Variants in SERPINB5 observed in about 807,000 individuals in gnomAD.
SERPINB5 encodes the protein serpin family B member 5.
A neutral mutation model predicts 32.2 loss-of-function variants in SERPINB5; 27 were observed. The observed-to-expected ratio is 0.84, with a 90% CI of 0.62 to 1.16. The LOEUF (loss-of-function observed/expected upper bound fraction) is 1.16. Ranked by LOEUF, SERPINB5 falls within the 50% of genes most tolerant of loss-of-function variation. SERPINB5 has a pLI of 0.00. For missense variants in SERPINB5, 388 were observed against 436.3 expected, an observed-to-expected ratio of 0.89 and a Z score of 0.99; for synonymous variants, 154 against 157.4, an observed-to-expected ratio of 0.98 and a Z score of 0.16.
At position 63,498,797 on chromosome 18, in the gene SERPINB5, G is replaced by A. The variant is rs571021545; in HGVS notation, c.568-323G>A. ...TATTTATGTGTTTGCCTATATATGT[G>A]TATATATGTGCATGTGTGTATATAT... is the stretch of plus-strand genomic sequence containing the variant. On this transcript the variant is annotated intron_variant, in intron 5 of 6. Coordinates refer to ENST00000382771, the MANE Select transcript of SERPINB5 (RefSeq NM_002639.5). The surrounding 1 kb of genome is among the most constrained non-coding windows in gnomAD (Gnocchi z 4.2). Among the ~76,000 whole-genome samples the A allele has an allele frequency of 4.6e-5, 7 of 150,776 alleles. No homozygotes were observed. In the East Asian group the frequency reaches 1.4e-3, roughly 29 times the overall value.
chr18:63,503,844 C>A lies in SERPINB5; in HGVS notation c.*122C>A, dbSNP rs531499518. ...TGCTAATGTTGCTGGATCAGGAAGC[C>A]GCCAGTACTTGTCATATGTAGCCTT... On this transcript the variant is annotated 3_prime_UTR_variant, in exon 7 of 7. Transcript: ENST00000382771. The A allele has an allele frequency of 3.0e-6, 3 of 1,007,962 alleles. No homozygotes were observed. Among genetic ancestry groups the A allele is most frequent in the South Asian group, 1.5e-5 (1 of 66,374 alleles). The allele number at this position is 1,007,962 out of a possible 1,614,324, so 62.4% of individuals were successfully genotyped here. A position where few individuals can be genotyped will look rare whatever the true frequency, so the allele number is the denominator to read the frequency against.
intron 3 of SERPINB5, among the ~76,000 whole-genome samples, chr18:63,488,460 C>T (rs9945699): frequency 0.22 from 33,785 of 152,046 alleles, 7,284 homozygotes; most frequent in African/African-American, 0.56. Context: ...TGGGGTGCAG[C>T]GGCATGATCT....
At chr18:63,491,451 C>T (rs1909336046) in intron 4 of SERPINB5, among the ~76,000 whole-genome samples, 1 of 145,350 alleles carries the variant, frequency 6.9e-6, no homozygotes, top group South Asian at 2.2e-4. Context: ...TCAGCTCCAT[C>T]TAGGTTGCTG....
chr18:63,499,098 G>A (rs1360452124), intron 5 of SERPINB5, 22 bp from the exon 6 acceptor site: 2 of 1,436,386 alleles, frequency 1.4e-6, no homozygotes, highest in Non-Finnish European at 1.8e-6. Context: ...AAAGTAAGCA[G>A]TCCAAATTTT....
intron 5 of SERPINB5, among the ~76,000 whole-genome samples, chr18:63,495,663 T>C (rs895998554): frequency 3.3e-5 from 5 of 152,214 alleles, no homozygotes; most frequent in African/African-American, 1.2e-4. Flanking sequence ...TTAACGTGTG[T>C]TTTTTGAGAA....
At chr18:63,502,851 T>C (rs997968194) in intron 6 of SERPINB5, among the ~76,000 whole-genome samples, 2 of 152,002 alleles carry the variant, frequency 1.3e-5, no homozygotes, top group African/African-American at 4.8e-5. Flanking sequence ...AAACCCTGTC[T>C]CTACTACAAA....
intron 3 of SERPINB5, among the ~76,000 whole-genome samples, chr18:63,488,953 T>C (rs772413197): frequency 5.9e-5 from 9 of 152,180 alleles, no homozygotes; most frequent in Non-Finnish European, 1.3e-4. Context: ...GGATATTTAG[T>C]TCAGCAAAGA....
intron 4 of SERPINB5, chr18:63,490,776 A>T (rs1568110098): frequency 6.6e-6 from 1 of 152,212 alleles, no homozygotes; most frequent in South Asian, 2.1e-4. Context: ...CAATTTACTG[A>T]ACTGTAAAAT....
At chr18:63,493,191 C>G in intron 5 of SERPINB5, 96 bp downstream of exon 5, 1 of 1,533,570 alleles carries the variant, frequency 6.5e-7, no homozygotes, top group African/African-American at 1.4e-5. Flanking sequence ...CAATGAGGAA[C>G]CTGAGGGCAC....
chr18:63,483,770 GTC>G (rs1310832609), intron 1 of SERPINB5, among the ~76,000 whole-genome samples: 88 of 152,230 alleles, frequency 5.8e-4, no homozygotes, highest in African/African-American at 2.1e-3. Context: ...CTGTTTCTGT[GTC>G]TCTCCTCTTA....
intron 2 of SERPINB5, among the ~76,000 whole-genome samples, chr18:63,485,393 A>C (rs1244969094): frequency 6.6e-6 from 1 of 152,228 alleles, no homozygotes; most frequent in African/African-American, 2.4e-5. Flanking sequence ...TTCTAGGTTC[A>C]ATAGAATTTC....
At chr18:63,499,073 G>C in intron 5 of SERPINB5, 47 bp from the exon 6 acceptor site, 1 of 793,628 alleles carries the variant, frequency 1.3e-6, no homozygotes, top group South Asian at 2.7e-5. Context: ...ATATATTTAT[G>C]CATGTGTAAA....
chr18:63,489,218 T>C (rs1917260232), intron 3 of SERPINB5, 129 bp from the exon 4 acceptor site: 1 of 488,474 alleles, frequency 2.0e-6, no homozygotes, highest in Admixed American at 3.7e-5. Context: ...AGGTTTCAAT[T>C]CATATAGTGT....
At position 63,503,940 on chromosome 18, in the gene SERPINB5, T is replaced by C; in HGVS notation, c.*218T>C. ...CCTTTTTTCCCATAAGACAATGACATACGCTTTTAATGAAAAGGAATCACG... is the reference window on the plus strand; with the variant it reads ...CCTTTTTTCCCATAAGACAATGACACACGCTTTTAATGAAAAGGAATCACG... On this transcript the variant is annotated 3_prime_UTR_variant, in exon 7 of 7. Coordinates refer to ENST00000382771, the MANE Select transcript of SERPINB5 (RefSeq NM_002639.5). 1.8e-6 allele frequency: 1 copy of C among 540,802 alleles called. No individual in the cohort carries two copies. The highest frequency in any genetic ancestry group is 2.6e-5 in the South Asian group (1 of 38,100). The allele number at this position is 540,802 out of a possible 1,614,324, so 33.5% of individuals were successfully genotyped here.
Position 63,504,422 on chromosome 18 carries a change from C to G in SERPINB5, c.*700C>G, listed in dbSNP as rs1371892710. 3 of 152,162 alleles carry G rather than the reference C, an allele frequency of 2.0e-5. No individual in the cohort carries two copies. Among genetic ancestry groups the G allele is most frequent in the African/African-American group, 7.2e-5 (3 of 41,430 alleles). 9.4% of individuals were successfully genotyped at this position (152,162 alleles called of 1,614,324 possible). On this transcript the variant is annotated 3_prime_UTR_variant, in exon 7 of 7. Coordinates refer to ENST00000382771, the MANE Select transcript of SERPINB5 (RefSeq NM_002639.5). ...TTCAGACAAAATGGATACATAAAGA[C>G]TAAGTAGCCCATAAGGGGTCAAAAT...
chr18:63,489,940 C>T (rs758390502), intron 4 of SERPINB5, among the ~76,000 whole-genome samples: 6 of 152,314 alleles, frequency 3.9e-5, no homozygotes, highest in Non-Finnish European at 8.8e-5. Context: ...CGCCTGTAAT[C>T]CCAGCACTTT....
chr18:63,499,047 G>GTGTGTATATATATATATATATATATA (rs376117295), intron 5 of SERPINB5, 73 bp from the exon 6 acceptor site: 2 of 433,756 alleles, frequency 4.6e-6, no homozygotes, highest in African/African-American at 4.1e-5. Flanking sequence ...GCGCGTGTGT[G>GTGTGTATATATATATATATATATATA]TATATATATA....
rs1413026726 is a variant in SERPINB5, at chr18:63,491,409, A to ACCCC, written c.425-1544_425-1543insCCCC. ...AAGAGAGAAACTGCGTCTCCCAAAA[A>ACCCC]AAAAAAAAAAAAAAAAAAAGAATAA... On this transcript the variant is annotated intron_variant, in intron 4 of 6. Coordinates refer to ENST00000382771, the MANE Select transcript of SERPINB5 (RefSeq NM_002639.5). 1.8e-3 allele frequency among the ~76,000 whole-genome samples: 247 copies of ACCCC among 140,626 alleles called. 5 individuals carry two copies. Among genetic ancestry groups the ACCCC allele is most frequent in the Admixed American group, 4.0e-3 (58 of 14,420 alleles). 92.3% of individuals were successfully genotyped at this position (140,626 alleles called of 152,430 possible).
Position 63,484,763 on chromosome 18 carries a change from T to G in SERPINB5, c.168+167T>G, listed in dbSNP as rs865880725. ...AATCTTTTTTTTTTTTTTTTTTTTTTGTGAGACAGGGTCCCACTCTGTCAC... is the reference window on the plus strand; with the variant it reads ...AATCTTTTTTTTTTTTTTTTTTTTTGGTGAGACAGGGTCCCACTCTGTCAC... On this transcript the variant is annotated intron_variant, in intron 2 of 6. Coordinates refer to ENST00000382771, the MANE Select transcript of SERPINB5 (RefSeq NM_002639.5). Among the ~76,000 whole-genome samples the G allele has an allele frequency of 0.027, 3,965 of 145,634 alleles. 21 individuals are homozygous for G. The highest frequency in any genetic ancestry group is 0.042 in the Non-Finnish European group (2,783 of 66,614).
Sources: gnomAD v4.1 joint callset for allele counts (sites outside exome capture counted in the v4.1 genomes callset) on GRCh38, gnomAD v4.1.1 for gene constraint, Gnocchi (gnomAD v3.1) non-coding constraint, MANE v1.5 for transcripts, NCBI Gene and HGNC (gene_info 2026-07-23, HGNC 2026-07-21) for gene names.